Variants in GRID1 observed in about 807,000 individuals in gnomAD.
The protein encoded by GRID1 is glutamate ionotropic receptor delta type subunit 1, also known as glutamate receptor ionotropic, delta-1.
Under a neutral mutation model 98.0 loss-of-function variants are expected in GRID1, and 28 were observed. The observed-to-expected ratio is 0.29, with a 90% CI of 0.21 to 0.39. The LOEUF (loss-of-function observed/expected upper bound fraction) is 0.39, where lower values mean the gene tolerates loss of function less well. Ranked by LOEUF, GRID1 falls within the 10% of genes least tolerant of loss-of-function variation. The probability of loss-of-function intolerance (pLI) is 1.00; values close to 1 mark genes in which losing one functional copy is unlikely to be tolerated. For synonymous variants in GRID1, 553 were observed against 538.5 expected (o/e 1.03, Z -0.37); for missense variants, 1,111 against 1,340.5 (o/e 0.83, Z 2.67).
At chr10:85,707,086 G>A (rs1276276547) in intron 12 of GRID1, among the ~76,000 whole-genome samples, 6 of 152,102 alleles carry the variant, frequency 3.9e-5, no homozygotes, top group Non-Finnish European at 8.8e-5. Flanking sequence ...CAAAAGCAAT[G>A]ACAACAAAAG....
At chr10:85,897,212 C>A (rs1003446859) in intron 5 of GRID1, among the ~76,000 whole-genome samples, 6 of 152,156 alleles carry the variant, frequency 3.9e-5, no homozygotes, top group African/African-American at 1.4e-4. Context: ...TTGCTTCTAT[C>A]CCTGCCCCTC....
chr10:85,809,146 A>G (rs1842647158), intron 8 of GRID1, among the ~76,000 whole-genome samples: 1 of 152,108 alleles, frequency 6.6e-6, no homozygotes, highest in Non-Finnish European at 1.5e-5. Flanking sequence ...AGAAGACGTG[A>G]CTCGTTAACC....
chr10:85,840,046 T>C (rs1338893655), intron 8 of GRID1, among the ~76,000 whole-genome samples: 1 of 152,070 alleles, frequency 6.6e-6, no homozygotes, highest in Non-Finnish European at 1.5e-5. Flanking sequence ...CTCCCAAGAC[T>C]GCACCACGAA....
At chr10:86,038,657 T>C (rs753755010) in intron 4 of GRID1, among the ~76,000 whole-genome samples, 4 of 152,222 alleles carry the variant, frequency 2.6e-5, no homozygotes, top group Admixed American at 6.5e-5. Context: ...ATGGCCAACA[T>C]TGGCCTCTGA....
intron 12 of GRID1, among the ~76,000 whole-genome samples, chr10:85,658,405 C>T (rs1423039926): frequency 1.3e-5 from 2 of 152,098 alleles, no homozygotes; most frequent in Admixed American, 6.5e-5. Flanking sequence ...TTATTTCTAC[C>T]CCCCTCATTT....
intron 3 of GRID1, among the ~76,000 whole-genome samples, chr10:86,156,960 C>T (rs2131983794): frequency 6.6e-6 from 1 of 152,190 alleles, no homozygotes; most frequent in Admixed American, 6.5e-5. Flanking sequence ...GGAGGGGCAT[C>T]AGGAGTGAAT....
chr10:86,332,164 C>T (rs367560922), intron 2 of GRID1, among the ~76,000 whole-genome samples: 4 of 152,188 alleles, frequency 2.6e-5, no homozygotes, highest in East Asian at 3.8e-4. Flanking sequence ...CCAGAGGGGC[C>T]GTCCCTGGCC....
chr10:85,952,968 T>A (rs948826352), intron 4 of GRID1, among the ~76,000 whole-genome samples: 1 of 152,230 alleles, frequency 6.6e-6, no homozygotes, highest in African/African-American at 2.4e-5. Context: ...ATAGTAACTA[T>A]ATTTTTTTCT....
intron 5 of GRID1, among the ~76,000 whole-genome samples, chr10:85,893,704 C>T (rs1841238628): frequency 1.3e-5 from 2 of 152,126 alleles, no homozygotes; most frequent in Admixed American, 6.6e-5. Context: ...CAGTGTAAAA[C>T]ATTGCTAAAA....
At chr10:86,344,826 G>T (rs563821001) in intron 2 of GRID1, among the ~76,000 whole-genome samples, 1 of 152,230 alleles carries the variant, frequency 6.6e-6, no homozygotes, top group East Asian at 1.9e-4. Context: ...CCTCATCTCT[G>T]CTCAGCAGGG....
chr10:86,323,767 T>C lies in GRID1; in HGVS notation c.235+40174A>G, dbSNP rs529747267. Among the ~76,000 whole-genome samples the C allele has an allele frequency of 2.0e-5, 3 of 152,384 alleles. No individual in the cohort carries two copies. In the East Asian group the frequency reaches 5.8e-4, roughly 29 times the overall value. Reference sequence around the variant, plus strand: ...ATGTACTGGAAGTCACTGAAGTGTATACTTTAAAATGGTTAAAATCATGTG... The same window carrying C: ...ATGTACTGGAAGTCACTGAAGTGTACACTTTAAAATGGTTAAAATCATGTG... On this transcript the variant is annotated intron_variant, in intron 2 of 15. Coordinates refer to ENST00000327946, the MANE Select transcript of GRID1 (RefSeq NM_017551.3).
chr10:86,202,594 A>G (rs1235846855), intron 3 of GRID1, among the ~76,000 whole-genome samples: 1 of 152,264 alleles, frequency 6.6e-6, no homozygotes, highest in Non-Finnish European at 1.5e-5. Context: ...TGTCATAACA[A>G]GCATACAAGT....
intron 2 of GRID1, among the ~76,000 whole-genome samples, chr10:86,331,714 C>T (rs1484077607): frequency 6.6e-6 from 1 of 152,170 alleles, no homozygotes; most frequent in Non-Finnish European, 1.5e-5. Context: ...AGTTCTGGTC[C>T]CTGGGGCAGG....
chr10:86,095,703 T>G (rs891164430), intron 4 of GRID1, among the ~76,000 whole-genome samples: 2 of 151,834 alleles, frequency 1.3e-5, no homozygotes, highest in Admixed American at 1.3e-4. Context: ...AAAAAAAATT[T>G]TTTTAAAAGT....
At chr10:85,757,818 A>G (rs1201551072) in intron 8 of GRID1, among the ~76,000 whole-genome samples, 1 of 152,230 alleles carries the variant, frequency 6.6e-6, no homozygotes. Flanking sequence ...CTGCTATAAG[A>G]TTCAATGATA....
intron 8 of GRID1, among the ~76,000 whole-genome samples, chr10:85,748,900 A>G (rs1006419197): frequency 6.6e-6 from 1 of 152,106 alleles, no homozygotes; most frequent in East Asian, 1.9e-4. Flanking sequence ...CTCAGTTACA[A>G]ACACCTTTAT....
chr10:86,288,005 G>T (rs891707059), intron 2 of GRID1, among the ~76,000 whole-genome samples: 1 of 152,100 alleles, frequency 6.6e-6, no homozygotes, highest in African/African-American at 2.4e-5. Flanking sequence ...CCCAGCCCCT[G>T]CCATGCTCTG....
At chr10:86,033,342 C>T (rs1843212677) in intron 4 of GRID1, among the ~76,000 whole-genome samples, 1 of 149,874 alleles carries the variant, frequency 6.7e-6, no homozygotes, top group African/African-American at 2.4e-5. Context: ...GCTTGGTACG[C>T]TCCTCAGAGG....
chr10:85,816,728 G>A (rs1185125134), intron 8 of GRID1, among the ~76,000 whole-genome samples: 4 of 150,752 alleles, frequency 2.7e-5, no homozygotes, highest in African/African-American at 7.3e-5. Context: ...TGAGGTTCGG[G>A]TGTACATGTG....
Sources: gnomAD v4.1 joint callset for allele counts (sites outside exome capture counted in the v4.1 genomes callset) on GRCh38, gnomAD v4.1.1 for gene constraint, MANE v1.5 for transcripts, NCBI Gene and HGNC (gene_info 2026-07-23, HGNC 2026-07-21) for gene names.